Variants in KDM2B observed in about 807,000 individuals in gnomAD.
The protein encoded by KDM2B is lysine-specific demethylase 2B.
In KDM2B, 26 loss-of-function variants were observed where a neutral mutation model predicts 150.0. The observed-to-expected ratio is 0.17, with a 90% CI of 0.13 to 0.24. KDM2B has a LOEUF of 0.24. Among genes scored for constraint, KDM2B ranks in the 10% least tolerant of loss-of-function variants. The pLI is 1.00. For synonymous variants in KDM2B, 734 were observed against 729.5 expected (o/e 1.01, Z -0.10); for missense variants, 1,265 against 1,816.9 (o/e 0.70, Z 5.52).
chr12:121,444,395 G>A, intron 15 of KDM2B, 55 bp downstream of exon 15: 1 of 1,609,538 alleles, frequency 6.2e-7, no homozygotes, highest in Non-Finnish European at 8.5e-7. Context: ...GTCCCGGCCA[G>A]GCCCAGGCCC....
intron 6 of KDM2B, among the ~76,000 whole-genome samples, chr12:121,536,585 C>T (rs1555308745): frequency 6.6e-6 from 1 of 152,102 alleles, no homozygotes; most frequent in African/African-American, 2.4e-5. Context: ...CCCCACGGAC[C>T]ACACTGGCCT....
Position 121,580,853 on chromosome 12 carries a change from G to A in KDM2B, c.59C>T (p.Ala20Val). ...AEDHPPRKRHAAEKQKKKTVI... is the reference protein window; with the variant it reads ...AEDHPPRKRHVAEKQKKKTVI... Reference sequence around the variant, plus strand: ...TGTTTTCTTTTTTTGCTTTTCTGCTGCATGTCTTTTTCGTGGGGGGTGATC... The same window carrying A: ...TGTTTTCTTTTTTTGCTTTTCTGCTACATGTCTTTTTCGTGGGGGGTGATC... The change falls in exon 1 of 23, where the codon GCA becomes GTA. Residue 20 changes from alanine (A) to valine (V), a missense_variant. This residue lies in a region of KDM2B where 53 missense variants were observed against 56.0 expected (regional missense o/e 0.95). Coordinates refer to ENST00000377071, the MANE Select transcript of KDM2B (RefSeq NM_032590.5). 1 of 1,614,036 alleles carries A rather than the reference G, an allele frequency of 6.2e-7. No homozygotes were observed. Among genetic ancestry groups the A allele is most frequent in the Non-Finnish European group, 8.5e-7 (1 of 1,179,984 alleles).
chr12:121,467,227 C>T lies in KDM2B; in HGVS notation c.1735-13883G>A. 1 of 1,029,150 alleles carries T rather than the reference C, an allele frequency of 9.7e-7. No individual in the cohort carries two copies. The allele number at this position is 1,029,150 out of a possible 1,614,324, so 63.8% of individuals were successfully genotyped here. A position where few individuals can be genotyped will look rare whatever the true frequency, so the allele number is the denominator to read the frequency against. ...ACATGGCCATGGCTCATGGTGGGCC[C>T]AGGCTCGCGCGCGCTGACATGGCTG... On this transcript the variant is annotated intron_variant, in intron 12 of 22. Transcript: ENST00000377071. The surrounding 1 kb of genome is among the most constrained non-coding windows in gnomAD (Gnocchi z 5.1).
At chr12:121,416,039 A>G in the KDM2B span, 1 of 725,340 alleles carries the variant, frequency 1.4e-6, no homozygotes, top group Non-Finnish European at 2.4e-6. Context: ...GCCCAGAGGA[A>G]TATAGTAATC....
chr12:121,492,825 G>A (rs1430207658), intron 12 of KDM2B, among the ~76,000 whole-genome samples: 13 of 141,954 alleles, frequency 9.2e-5, no homozygotes, highest in Admixed American at 4.8e-4. Context: ...GCAAAACTCC[G>A]TCTCAAAAAA....
intron 13 of KDM2B, among the ~76,000 whole-genome samples, chr12:121,449,459 G>A (rs1209434026): frequency 4.6e-5 from 7 of 152,222 alleles, no homozygotes; most frequent in Admixed American, 3.3e-4. Context: ...CAGAAGCCAC[G>A]TCAAGCTGAA....
rs575063623 is a variant in KDM2B at position 121,521,260 on chromosome 12, C to T, written c.932-160G>A. Among the ~76,000 whole-genome samples, 5 of 152,294 alleles carry T rather than the reference C, an allele frequency of 3.3e-5. No individual in the cohort carries two copies. The highest frequency in any genetic ancestry group is 6.5e-5 in the Admixed American group (1 of 15,308). On this transcript the variant is annotated intron_variant, in intron 8 of 22. Transcript: ENST00000377071. The surrounding 1 kb of genome is among the most constrained non-coding windows in gnomAD (Gnocchi z 4.9). ...GCGGCGCCCAGCAATGCCTGCTGCACAACGCCCAGGCCTGAGCCGCCGAGA... is the reference window on the plus strand; with the variant it reads ...GCGGCGCCCAGCAATGCCTGCTGCATAACGCCCAGGCCTGAGCCGCCGAGA...
chr12:121,440,811 C>T lies in KDM2B; in HGVS notation c.3610+5G>A. On this transcript the variant is annotated splice_donor_5th_base_variant and intron_variant, in intron 21 of 22. Transcript: ENST00000377071. ...CCCACAGAAACCCCCAGCCTGGCAA[C>T]TCACCTGGCCTGTTGTCTGTGGGCG... 6.9e-6 allele frequency: 11 copies of T among 1,601,150 alleles called. No individual in the cohort carries two copies. The highest frequency in any genetic ancestry group is 9.4e-6 in the Non-Finnish European group (11 of 1,173,660).
intron 8 of KDM2B, among the ~76,000 whole-genome samples, chr12:121,524,037 T>C (rs1243234188): frequency 2.0e-5 from 3 of 152,196 alleles, no homozygotes; most frequent in Admixed American, 6.5e-5. Flanking sequence ...TGAATGCTGT[T>C]ATTGTCGCCA....
chr12:121,456,913 C>T (rs1156313965), intron 12 of KDM2B, among the ~76,000 whole-genome samples: 6 of 152,178 alleles, frequency 3.9e-5, no homozygotes, highest in Admixed American at 6.6e-5. Context: ...CCTGTCTAGC[C>T]GCTGCCAAAT....
At chr12:121,503,732 T>G (rs1884808077) in intron 11 of KDM2B, among the ~76,000 whole-genome samples, 2 of 152,236 alleles carry the variant, frequency 1.3e-5, no homozygotes, top group African/African-American at 4.8e-5. Context: ...TGGCTCACCT[T>G]TAGCTGCAAC....
chr12:121,433,291 G>A (rs1171991984), intron 22 of KDM2B: 1 of 431,952 alleles, frequency 2.3e-6, no homozygotes, highest in African/African-American at 2.0e-5. Flanking sequence ...CAGGCAGGCT[G>A]ACAGATGTTT....
intron 11 of KDM2B, among the ~76,000 whole-genome samples, chr12:121,497,521 G>T (rs1884103299): frequency 6.6e-6 from 1 of 151,832 alleles, no homozygotes; most frequent in Non-Finnish European, 1.5e-5. Context: ...GGCCAGGCTG[G>T]TCTCAAACTC....
At chr12:121,431,422 T>TAC (rs1337599971) in intron 22 of KDM2B, among the ~76,000 whole-genome samples, 1 of 151,688 alleles carries the variant, frequency 6.6e-6, no homozygotes, top group Non-Finnish European at 1.5e-5. Flanking sequence ...GTGCTGGGAT[T>TAC]ACAGGCTTGC....
At chr12:121,502,582 C>T (rs1404744318) in intron 11 of KDM2B, among the ~76,000 whole-genome samples, 2 of 151,678 alleles carry the variant, frequency 1.3e-5, no homozygotes, top group Admixed American at 6.6e-5. Context: ...GATCACACCA[C>T]TGCAGTCCAG....
At chr12:121,522,897 C>T (rs1555306154) in intron 8 of KDM2B, among the ~76,000 whole-genome samples, 1 of 152,188 alleles carries the variant, frequency 6.6e-6, no homozygotes, top group African/African-American at 2.4e-5. Flanking sequence ...AGTCACCTAT[C>T]AGGATTTTGA....
intron 12 of KDM2B, among the ~76,000 whole-genome samples, chr12:121,486,063 C>T (rs924991011): frequency 1.9e-4 from 29 of 151,676 alleles, no homozygotes; most frequent in Non-Finnish European, 4.4e-5. Flanking sequence ...AGGCGTGAGC[C>T]ACCATGCCCT....
chr12:121,540,981 C>T (rs1189983140), intron 6 of KDM2B, among the ~76,000 whole-genome samples: 1 of 151,930 alleles, frequency 6.6e-6, no homozygotes, highest in African/African-American at 2.4e-5. Flanking sequence ...GTTTGTAATC[C>T]CAACACTTTG....
chr12:121,559,081 G>A lies in KDM2B; in HGVS notation c.398-9443C>T, dbSNP rs782324335. On this transcript the variant is annotated intron_variant, in intron 4 of 22. Coordinates refer to ENST00000377071, the MANE Select transcript of KDM2B (RefSeq NM_032590.5). ...CGCTGACTACACCTCAGCCTGCTCC[G>A]CCCTCTGATGCAAGGGAGTCAGGAC... 8.5e-5 allele frequency among the ~76,000 whole-genome samples: 13 copies of A among 152,294 alleles called. No individual in the cohort carries two copies. In the East Asian group the frequency reaches 1.7e-3, roughly 20 times the overall value.
Sources: gnomAD v4.1 joint callset for allele counts (sites outside exome capture counted in the v4.1 genomes callset) on GRCh38, gnomAD v4.1.1 for gene constraint, gnomAD v4.1.1 regional missense constraint, Gnocchi (gnomAD v3.1) non-coding constraint, MANE v1.5 for transcripts, NCBI Gene and HGNC (gene_info 2026-07-23, HGNC 2026-07-21) for gene names.